The following CCSER1 variants were observed in gnomAD, a reference collection of about 807,000 sequenced individuals.
The protein encoded by CCSER1 is coiled-coil serine rich protein 1, also known as serine-rich coiled-coil domain-containing protein 1.
CCSER1 carries 41 observed loss-of-function variants against 82.0 expected under a neutral mutation model. The observed-to-expected ratio is 0.50, with a 90% CI of 0.39 to 0.65. The LOEUF is 0.65. CCSER1 is among the 30% of genes least tolerant of loss of function. The probability of loss-of-function intolerance (pLI) is 0.00; values close to 1 mark genes in which losing one functional copy is unlikely to be tolerated. For missense variants in CCSER1, 1,119 were observed against 1,064.2 expected (o/e 1.05, Z -0.72); for synonymous variants, 414 against 383.9 (o/e 1.08, Z -0.92).
chr4:90,263,437 C>G (rs1030933337), intron 1 of CCSER1, among the ~76,000 whole-genome samples: 3 of 152,130 alleles, frequency 2.0e-5, no homozygotes, highest in East Asian at 3.8e-4. Flanking sequence ...TGTGAGATTC[C>G]TTGGTTGTAG....
At chr4:91,027,066 A>T (rs1740548128) in intron 9 of CCSER1, among the ~76,000 whole-genome samples, 1 of 152,106 alleles carries the variant, frequency 6.6e-6, no homozygotes, top group Admixed American at 6.6e-5. Context: ...GGTAGTGTTT[A>T]AACAAGTGTT....
At chr4:90,146,567 AC>A (rs1433617871) in intron 1 of CCSER1, among the ~76,000 whole-genome samples, 1 of 152,072 alleles carries the variant, frequency 6.6e-6, no homozygotes, top group African/African-American at 2.4e-5. Flanking sequence ...ATAATAAAAT[AC>A]GGCTGTGAAC....
chr4:91,468,346 C>T (rs1294713198), intron 10 of CCSER1, among the ~76,000 whole-genome samples: 1 of 151,890 alleles, frequency 6.6e-6, no homozygotes, highest in African/African-American at 2.4e-5. Flanking sequence ...CACACCTGGG[C>T]CTGTCATGGT....
intron 9 of CCSER1, among the ~76,000 whole-genome samples, chr4:91,001,683 G>A (rs1398707784): frequency 6.6e-6 from 1 of 152,158 alleles, no homozygotes; most frequent in African/African-American, 2.4e-5. Context: ...GCAACAGATA[G>A]TTGGTTGGTG....
chr4:90,835,380 T>C (rs574732667), intron 8 of CCSER1, among the ~76,000 whole-genome samples: 2 of 152,326 alleles, frequency 1.3e-5, no homozygotes, highest in South Asian at 2.1e-4. Context: ...TTTACCTTTT[T>C]CCAAACTAAT....
intron 1 of CCSER1, among the ~76,000 whole-genome samples, chr4:90,165,609 A>G (rs879802654): frequency 1.3e-5 from 2 of 152,056 alleles, no homozygotes; most frequent in Non-Finnish European, 2.9e-5. Flanking sequence ...TTCATGGATT[A>G]TATTATCTAT....
chr4:90,175,393 T>C (rs1732476566), intron 1 of CCSER1, among the ~76,000 whole-genome samples: 1 of 151,998 alleles, frequency 6.6e-6, no homozygotes, highest in Non-Finnish European at 1.5e-5. Context: ...AGAAATTAAA[T>C]AAAGAATTGA....
chr4:91,180,652 A>G (rs1029569431), intron 10 of CCSER1, among the ~76,000 whole-genome samples: 1 of 152,096 alleles, frequency 6.6e-6, no homozygotes, highest in African/African-American at 2.4e-5. Context: ...TGCTAAGACC[A>G]TTGGAAAAGT....
At chr4:90,416,724 C>T (rs1373189459) in intron 4 of CCSER1, among the ~76,000 whole-genome samples, 1 of 152,042 alleles carries the variant, frequency 6.6e-6, no homozygotes, top group Non-Finnish European at 1.5e-5. Context: ...TTAAAATGTG[C>T]TTTCTGATTT....
chr4:90,175,476 T>C (rs1051668452), intron 1 of CCSER1, among the ~76,000 whole-genome samples: 8 of 151,960 alleles, frequency 5.3e-5, no homozygotes, highest in African/African-American at 1.9e-4. Flanking sequence ...CTATACAGAT[T>C]GGCTATCCCT....
intron 10 of CCSER1, among the ~76,000 whole-genome samples, chr4:91,508,747 T>C (rs995187813): frequency 6.6e-6 from 1 of 151,954 alleles, no homozygotes; most frequent in Non-Finnish European, 1.5e-5. Flanking sequence ...TTTTTACTAT[T>C]ATTATTATTT....
At chr4:91,141,838 A>G (rs1211780653) in intron 10 of CCSER1, among the ~76,000 whole-genome samples, 1 of 152,034 alleles carries the variant, frequency 6.6e-6, no homozygotes, top group Non-Finnish European at 1.5e-5. Flanking sequence ...ATGGTATTTC[A>G]TTGTTGTTTT....
intron 1 of CCSER1, among the ~76,000 whole-genome samples, chr4:90,285,870 T>A (rs1022078252): frequency 2.0e-5 from 3 of 152,020 alleles, no homozygotes; most frequent in African/African-American, 7.2e-5. Context: ...ATTAAATGAT[T>A]TTTTTGGCAC....
intron 7 of CCSER1, among the ~76,000 whole-genome samples, chr4:90,729,082 C>G (rs529641655): frequency 6.6e-6 from 1 of 152,222 alleles, no homozygotes; most frequent in South Asian, 2.1e-4. Flanking sequence ...TATTTTGTGT[C>G]CAAATATCTT....
intron 10 of CCSER1, among the ~76,000 whole-genome samples, chr4:91,303,408 A>G (rs552076199): frequency 7.2e-4 from 110 of 152,214 alleles, no homozygotes; most frequent in African/African-American, 2.6e-3. Context: ...ATACTGGAAC[A>G]TAGGCAAAAA....
intron 5 of CCSER1, among the ~76,000 whole-genome samples, chr4:90,505,071 C>G (rs1312104711): frequency 6.6e-6 from 1 of 152,182 alleles, no homozygotes; most frequent in Non-Finnish European, 1.5e-5. Flanking sequence ...AACCAAGTGT[C>G]CTGCCTTAAA....
chr4:91,592,172 C>T (rs1256262050), intron 10 of CCSER1, among the ~76,000 whole-genome samples: 1 of 152,124 alleles, frequency 6.6e-6, no homozygotes, highest in Non-Finnish European at 1.5e-5. Flanking sequence ...ACTTAGAAAA[C>T]TTACTTACAA....
intron 10 of CCSER1, among the ~76,000 whole-genome samples, chr4:91,508,165 T>G (rs1560725308): frequency 1.4e-5 from 2 of 145,024 alleles, no homozygotes; most frequent in Admixed American, 6.9e-5. Context: ...TTTCTGGGTT[T>G]TTTTTTTTTT....
intron 7 of CCSER1, among the ~76,000 whole-genome samples, chr4:90,758,118 A>G (rs188266627): frequency 2.0e-5 from 3 of 151,930 alleles, no homozygotes; most frequent in Non-Finnish European, 2.9e-5. Flanking sequence ...TTGTATTTTT[A>G]GTAGAGACTG....
Sources: allele counts gnomAD v4.1 joint callset (sites outside exome capture counted in the v4.1 genomes callset), GRCh38; gene constraint gnomAD v4.1.1; transcripts MANE v1.5; gene names NCBI Gene and HGNC (gene_info 2026-07-23, HGNC 2026-07-21).